BAALC: variants seen among roughly 807,000 people sequenced by gnomAD.
BAALC encodes the protein BAALC binder of MAP3K1 and KLF4, also known as brain and acute leukemia cytoplasmic protein.
BAALC carries 9 observed loss-of-function variants against 15.5 expected under a neutral mutation model. The observed-to-expected ratio is 0.58, with a 90% CI of 0.35 to 1.02. BAALC has a LOEUF of 1.02. Ranked by LOEUF, BAALC falls within the 50% of genes least tolerant of loss-of-function variation. The probability of loss-of-function intolerance (pLI) is 0.02; values close to 1 mark genes in which losing one functional copy is unlikely to be tolerated. For missense variants in BAALC, 201 were observed against 192.4 expected (o/e 1.04, Z -0.27); for synonymous variants, 80 against 74.6 (o/e 1.07, Z -0.37).
At chr8:103,167,767 G>C (rs1450549300) in intron 1 of BAALC, among the ~76,000 whole-genome samples, 4 of 152,162 alleles carry the variant, frequency 2.6e-5, no homozygotes, top group Non-Finnish European at 4.4e-5. Flanking sequence ...TGGATCACAT[G>C]GGAGCATGTA....
At chr8:103,207,545 T>A (rs1812358744) in intron 1 of BAALC, among the ~76,000 whole-genome samples, 1 of 152,222 alleles carries the variant, frequency 6.6e-6, no homozygotes, top group Non-Finnish European at 1.5e-5. Flanking sequence ...TCTGAAGTTG[T>A]CTTCAGTGAT....
intron 1 of BAALC, among the ~76,000 whole-genome samples, chr8:103,162,834 G>A (rs901315621): frequency 1.3e-5 from 2 of 152,050 alleles, no homozygotes; most frequent in Non-Finnish European, 2.9e-5. Context: ...GGTAAGACAC[G>A]AGACTCCAGG....
At position 103,230,143 on chromosome 8, in the gene BAALC, G is replaced by A. The variant is rs1047134572; in HGVS notation, c.*2044G>A. The A allele has an allele frequency of 2.6e-5, 4 of 152,164 alleles. No individual in the cohort carries two copies. The highest frequency in any genetic ancestry group is 2.6e-4 in the Admixed American group (4 of 15,278). 9.4% of individuals were successfully genotyped at this position (152,164 alleles called of 1,614,324 possible). A position where few individuals can be genotyped will look rare whatever the true frequency, so the allele number is the denominator to read the frequency against. On this transcript the variant is annotated 3_prime_UTR_variant, in exon 3 of 3. Transcript: ENST00000309982. ...GATCTGGCCCTCCCCAGAACAATCT[G>A]GATTTCACGGAGACAGCAACCAGAA...
intron 1 of BAALC, among the ~76,000 whole-genome samples, chr8:103,182,899 G>A (rs971328204): frequency 6.6e-6 from 1 of 152,134 alleles, no homozygotes; most frequent in South Asian, 2.1e-4. Context: ...AGGCTTCCAG[G>A]ACTTCTTCCC....
At chr8:103,163,875 A>G (rs560218925) in intron 1 of BAALC, among the ~76,000 whole-genome samples, 1 of 152,190 alleles carries the variant, frequency 6.6e-6, no homozygotes, top group Admixed American at 6.5e-5. Context: ...ATTCTTCAGC[A>G]CCCACCCTAG....
intron 1 of BAALC, among the ~76,000 whole-genome samples, chr8:103,182,307 G>T (rs189237102): frequency 6.2e-4 from 94 of 152,296 alleles, no homozygotes; most frequent in Non-Finnish European, 1.2e-3. Context: ...CCCCTTTGAT[G>T]TGAACTCTGC....
At chr8:103,144,637 C>G (rs1423716840) in intron 1 of BAALC, among the ~76,000 whole-genome samples, 1 of 152,096 alleles carries the variant, frequency 6.6e-6, no homozygotes, top group African/African-American at 2.4e-5. Flanking sequence ...TCACAAGCCC[C>G]AAAAATTGCA....
intron 1 of BAALC, among the ~76,000 whole-genome samples, chr8:103,169,986 G>A (rs192208093): frequency 2.0e-5 from 3 of 152,092 alleles, no homozygotes; most frequent in Non-Finnish European, 2.9e-5. Flanking sequence ...TAAAAAACAC[G>A]TTGTACTCAA....
chr8:103,214,956 C>T (rs1414766143), intron 2 of BAALC: 2 of 152,254 alleles, frequency 1.3e-5, no homozygotes, highest in Admixed American at 1.3e-4. Flanking sequence ...ATTGCCATCT[C>T]TCAAGACAGT....
At chr8:103,184,010 T>C (rs1479569303) in intron 1 of BAALC, among the ~76,000 whole-genome samples, 1 of 152,240 alleles carries the variant, frequency 6.6e-6, no homozygotes. Context: ...TGGAGGCTCC[T>C]TGGGAGAATC....
intron 1 of BAALC, chr8:103,200,755 C>A: frequency 1.4e-6 from 1 of 695,898 alleles, no homozygotes; most frequent in South Asian, 1.5e-5. Context: ...TTGCTGTGTT[C>A]TCACATGGTG....
intron 1 of BAALC, among the ~76,000 whole-genome samples, chr8:103,154,303 C>A (rs1372330739): frequency 6.6e-6 from 1 of 152,074 alleles, no homozygotes; most frequent in Non-Finnish European, 1.5e-5. Context: ...GGGTTTGGAA[C>A]TCAGGTCTGT....
At chr8:103,150,750 GC>G (rs1282012545) in intron 1 of BAALC, among the ~76,000 whole-genome samples, 2 of 152,192 alleles carry the variant, frequency 1.3e-5, no homozygotes, top group African/African-American at 4.8e-5. Flanking sequence ...CAAAGCTGAT[GC>G]CCTTTGGCCT....
At position 103,225,874 on chromosome 8, in the gene BAALC, G is replaced by A. The variant is rs371524924; in HGVS notation, c.328-2115G>A. On this transcript the variant is annotated intron_variant, in intron 2 of 2. Coordinates refer to ENST00000309982, the MANE Select transcript of BAALC (RefSeq NM_024812.3). ...TAAAGGGGATCTAGAGAGGGGTGTC[G>A]CCATCAGCTACACAAGGACACAGGA... Among the ~76,000 whole-genome samples, 5 of 152,076 alleles carry A rather than the reference G, an allele frequency of 3.3e-5. No homozygotes were observed. The East Asian group carries it at 7.7e-4, about 23-fold the overall frequency.
intron 1 of BAALC, among the ~76,000 whole-genome samples, chr8:103,168,535 C>T (rs747937527): frequency 2.6e-5 from 4 of 151,154 alleles, no homozygotes; most frequent in Admixed American, 6.6e-5. Context: ...AATGTGAATG[C>T]ATCACTAATT....
At chr8:103,217,778 G>C (rs1019101917) in intron 2 of BAALC, among the ~76,000 whole-genome samples, 1 of 152,134 alleles carries the variant, frequency 6.6e-6, no homozygotes, top group East Asian at 1.9e-4. Context: ...TGCGAGGCCT[G>C]GAAAATTTTT....
chr8:103,225,938 A>G (rs949084500), intron 2 of BAALC, among the ~76,000 whole-genome samples: 32 of 152,242 alleles, frequency 2.1e-4, no homozygotes, highest in Admixed American at 1.0e-3. Context: ...TCGTTTGCTA[A>G]TAAATACAAC....
At chr8:103,221,978 C>T (rs1239985889) in intron 2 of BAALC, among the ~76,000 whole-genome samples, 1 of 152,172 alleles carries the variant, frequency 6.6e-6, no homozygotes, top group Non-Finnish European at 1.5e-5. Context: ...ATTTAAGAAA[C>T]ACATTGGTTT....
intron 1 of BAALC, among the ~76,000 whole-genome samples, chr8:103,190,052 C>T (rs190353807): frequency 3.7e-4 from 56 of 151,962 alleles, no homozygotes; most frequent in Non-Finnish European, 2.2e-4. Context: ...TCGTGTCAGA[C>T]GTGATTATAG....
Sources: gnomAD v4.1 joint callset for allele counts (sites outside exome capture counted in the v4.1 genomes callset) on GRCh38, gnomAD v4.1.1 for gene constraint, MANE v1.5 for transcripts, NCBI Gene and HGNC (gene_info 2026-07-23, HGNC 2026-07-21) for gene names.